CDYL: variants seen among roughly 807,000 people sequenced by gnomAD.
CDYL encodes chromodomain Y like.
CDYL carries 8 observed loss-of-function variants against 47.3 expected under a neutral mutation model. The observed-to-expected ratio is 0.17, with a 90% CI of 0.10 to 0.31. The LOEUF is 0.31. CDYL is among the 10% of genes least tolerant of loss of function. CDYL has a pLI of 1.00. For synonymous variants in CDYL, 266 were observed against 265.0 expected, an observed-to-expected ratio of 1.00 and a Z score of -0.04; for missense variants, 471 against 701.4, an observed-to-expected ratio of 0.67 and a Z score of 3.71.
chr6:4,855,108 G>A (rs1039103892), intron 1 of CDYL, among the ~76,000 whole-genome samples: 5 of 152,120 alleles, frequency 3.3e-5, no homozygotes, highest in African/African-American at 1.2e-4. Context: ...AATACGCTTA[G>A]GATTTTAGAT....
chr6:4,788,061 C>T (rs1005544218), intron 1 of CDYL, among the ~76,000 whole-genome samples: 13 of 151,888 alleles, frequency 8.6e-5, no homozygotes, highest in Admixed American at 4.6e-4. Flanking sequence ...TGTGAGCCAC[C>T]GCACCTGGTC....
At chr6:4,897,795 T>TTTTTGTTTC (rs1561695711) in intron 2 of CDYL, among the ~76,000 whole-genome samples, 2 of 9,946 alleles carry the variant, frequency 2.0e-4, no homozygotes, top group Non-Finnish European at 1.8e-3. Context: ...TTTTTGTTTT[T>TTTTTGTTTC]TTTTTTTAAA....
At chr6:4,874,910 TGA>T (rs1761577522) in intron 1 of CDYL, among the ~76,000 whole-genome samples, 1 of 152,214 alleles carries the variant, frequency 6.6e-6, no homozygotes. Context: ...TTCCATTGTG[TGA>T]ACATACCCAG....
chr6:4,723,808 G>A (rs1270341725), intron 2 of CDYL, among the ~76,000 whole-genome samples: 2 of 152,180 alleles, frequency 1.3e-5, no homozygotes, highest in East Asian at 1.9e-4. Context: ...ACATCAAGTC[G>A]TTATTTTAGG....
At chr6:4,852,806 C>CTTTTTTTTTTTTTTTTTTTTT (rs528608801) in intron 1 of CDYL, among the ~76,000 whole-genome samples, 8 of 146,698 alleles carry the variant, frequency 5.5e-5, no homozygotes, top group African/African-American at 2.0e-4. Context: ...TTTCTTTGTT[C>CTTTTTTTTTTTTTTTTTTTTT]TTTTTTTTTT....
At chr6:4,768,193 A>T (rs936263566) in intron 3 of CDYL, among the ~76,000 whole-genome samples, 2 of 152,174 alleles carry the variant, frequency 1.3e-5, no homozygotes, top group East Asian at 3.9e-4. Flanking sequence ...CACCTAATTC[A>T]TCCTTTAGAT....
chr6:4,789,649 T>C (rs1472457948), intron 1 of CDYL, among the ~76,000 whole-genome samples: 3 of 152,192 alleles, frequency 2.0e-5, no homozygotes, highest in Non-Finnish European at 4.4e-5. Context: ...CACTAAAAAT[T>C]GTTGTAGAAT....
At chr6:4,894,317 T>C (rs571931088) in intron 2 of CDYL, among the ~76,000 whole-genome samples, 18 of 152,292 alleles carry the variant, frequency 1.2e-4, no homozygotes, top group African/African-American at 4.3e-4. Flanking sequence ...CATTGATGAC[T>C]TGGGGGCCAG....
chr6:4,932,155 C>T (rs770593819), intron 2 of CDYL, among the ~76,000 whole-genome samples: 12 of 152,164 alleles, frequency 7.9e-5, no homozygotes, highest in Non-Finnish European at 1.6e-4. Flanking sequence ...AGGCAGGTTT[C>T]TTAGCCATTT....
intron 2 of CDYL, among the ~76,000 whole-genome samples, chr6:4,731,423 TC>T (rs1185109337): frequency 6.6e-6 from 1 of 152,156 alleles, no homozygotes; most frequent in African/African-American, 2.4e-5. Flanking sequence ...TGGTAAGAAT[TC>T]CAGGGTCTAT....
At chr6:4,894,819 T>G (rs1762148952) in intron 2 of CDYL, among the ~76,000 whole-genome samples, 1 of 145,324 alleles carries the variant, frequency 6.9e-6, no homozygotes, top group South Asian at 2.1e-4. Flanking sequence ...AGCCCCCTTT[T>G]TTGTCCACAA....
intron 2 of CDYL, among the ~76,000 whole-genome samples, chr6:4,728,854 C>A (rs932762743): frequency 6.6e-6 from 1 of 152,188 alleles, no homozygotes; most frequent in African/African-American, 2.4e-5. Context: ...TGAAGTGGAA[C>A]AATGACTTCT....
upstream of CDYL, among the ~76,000 whole-genome samples, chr6:4,772,384 T>C (rs145935100): frequency 4.4e-4 from 67 of 152,214 alleles, no homozygotes; most frequent in African/African-American, 1.4e-3. Flanking sequence ...AACTGACTGT[T>C]TGGGCAGGGA....
At chr6:4,908,157 A>G (rs1478653677) in intron 2 of CDYL, among the ~76,000 whole-genome samples, 4 of 152,228 alleles carry the variant, frequency 2.6e-5, no homozygotes, top group East Asian at 3.8e-4. Flanking sequence ...TTCTCCTGGC[A>G]GCTTTGTAAG....
chr6:4,712,890 T>C (rs1022147909), intron 1 of CDYL, among the ~76,000 whole-genome samples: 3 of 152,186 alleles, frequency 2.0e-5, no homozygotes, highest in Non-Finnish European at 4.4e-5. Context: ...ACTGTGGATG[T>C]GGCTCACCAT....
chr6:4,817,682 T>C (rs181331404), intron 1 of CDYL, among the ~76,000 whole-genome samples: 1 of 152,294 alleles, frequency 6.6e-6, no homozygotes, highest in Non-Finnish European at 1.5e-5. Context: ...TCATAATCAA[T>C]TAGCCACCGT....
intron 1 of CDYL, 68 bp from the exon 2 acceptor site, chr6:4,891,645 A>T (rs1762044671): frequency 2.3e-6 from 3 of 1,283,266 alleles, no homozygotes; most frequent in East Asian, 2.5e-5. Context: ...GATGTTTCCT[A>T]ATGAAACTTG....
chr6:4,790,156 AAGCTATTTACTCTTTC>A (rs1241439553), intron 1 of CDYL, among the ~76,000 whole-genome samples: 1 of 152,208 alleles, frequency 6.6e-6, no homozygotes, highest in Non-Finnish European at 1.5e-5. Context: ...TATTAGCAAG[AAGCTATTTACTCTTTC>A]AGTAAGTGTT....
intron 1 of CDYL, chr6:4,714,813 G>A (rs1327034791): frequency 6.6e-6 from 1 of 152,242 alleles, no homozygotes; most frequent in African/African-American, 2.4e-5. Context: ...CAGAATCCGT[G>A]AGTGTTCTGG....
Sources: allele counts gnomAD v4.1 joint callset (sites outside exome capture counted in the v4.1 genomes callset), GRCh38; gene constraint gnomAD v4.1.1; transcripts MANE v1.5; gene names NCBI Gene and HGNC (gene_info 2026-07-23, HGNC 2026-07-21).